CNBD1: variants seen among roughly 807,000 people sequenced by gnomAD.
CNBD1 encodes cyclic nucleotide-binding domain-containing protein 1.
CNBD1 carries 71 observed loss-of-function variants against 54.4 expected under a neutral mutation model. The ratio of observed to expected loss-of-function variants is 1.30; its 90% CI spans 1.08 to 1.59. CNBD1 has a LOEUF of 1.59. CNBD1 is among the 40% of genes most tolerant of loss of function. The pLI is 0.00. For synonymous variants in CNBD1, 182 were observed against 170.7 expected (o/e 1.07, Z -0.51); for missense variants, 659 against 518.0 (o/e 1.27, Z -2.64).
At chr8:86,936,858 AG>A (rs1289245797) in intron 3 of CNBD1, among the ~76,000 whole-genome samples, 4 of 152,184 alleles carry the variant, frequency 2.6e-5, no homozygotes, top group Non-Finnish European at 5.9e-5. Flanking sequence ...AAAAATTCAA[AG>A]GTACAGGTAA....
intron 10 of CNBD1, among the ~76,000 whole-genome samples, chr8:87,365,728 A>G (rs1810629274): frequency 6.6e-6 from 1 of 152,042 alleles, no homozygotes; most frequent in Admixed American, 6.6e-5. Flanking sequence ...CCTGTTGTAG[A>G]AAGATTTTAA....
chr8:87,090,364 T>C (rs757400382), intron 4 of CNBD1, among the ~76,000 whole-genome samples: 18 of 152,178 alleles, frequency 1.2e-4, no homozygotes, highest in Non-Finnish European at 2.1e-4. Context: ...TAATGATAGA[T>C]GACTTAATAG....
intron 2 of CNBD1, among the ~76,000 whole-genome samples, chr8:87,400,102 A>T (rs1315631236): frequency 6.6e-6 from 1 of 151,872 alleles, no homozygotes; most frequent in Admixed American, 6.6e-5. Context: ...ATCCTTCTTG[A>T]GCCTCACCTT....
chr8:87,246,706 C>G (rs1336039515), intron 6 of CNBD1, among the ~76,000 whole-genome samples: 1 of 152,058 alleles, frequency 6.6e-6, no homozygotes, highest in African/African-American at 2.4e-5. Context: ...ATTGTTAGCA[C>G]TCTTCCAGGC....
At chr8:87,265,521 A>C (rs553823762) in intron 6 of CNBD1, among the ~76,000 whole-genome samples, 108 of 152,274 alleles carry the variant, frequency 7.1e-4, no homozygotes, top group Middle Eastern at 3.4e-3. Context: ...TATTTTTCAC[A>C]TAAGATAATG....
At chr8:87,380,975 T>G (rs1811061160) in intron 10 of CNBD1, among the ~76,000 whole-genome samples, 1 of 152,012 alleles carries the variant, frequency 6.6e-6, no homozygotes, top group African/African-American at 2.4e-5. Context: ...ATTTTCACAT[T>G]TGTCTTGGCA....
chr8:87,042,122 G>T (rs1035603349), intron 4 of CNBD1, among the ~76,000 whole-genome samples: 1 of 152,210 alleles, frequency 6.6e-6, no homozygotes, highest in African/African-American at 2.4e-5. Context: ...TTTTCGGCCT[G>T]TGCTCTTTGG....
At chr8:87,391,280 G>A (rs1037826201) in intron 2 of CNBD1, among the ~76,000 whole-genome samples, 1 of 151,866 alleles carries the variant, frequency 6.6e-6, no homozygotes, top group African/African-American at 2.4e-5. Context: ...GATAACGATT[G>A]CAGATACCTC....
chr8:87,178,779 G>A (rs975968110), intron 4 of CNBD1, among the ~76,000 whole-genome samples: 2 of 152,190 alleles, frequency 1.3e-5, no homozygotes, highest in Non-Finnish European at 2.9e-5. Flanking sequence ...AATATGTCCA[G>A]AATACACAGG....
intron 4 of CNBD1, among the ~76,000 whole-genome samples, chr8:87,046,548 T>C (rs1810194742): frequency 6.6e-6 from 1 of 152,170 alleles, no homozygotes; most frequent in Admixed American, 6.5e-5. Context: ...GAATTAGGTG[T>C]AACCAGGAAC....
intron 4 of CNBD1, among the ~76,000 whole-genome samples, chr8:86,962,410 A>G (rs556996038): frequency 1.3e-5 from 2 of 152,204 alleles, no homozygotes; most frequent in African/African-American, 2.4e-5. Context: ...GACTTTAGCC[A>G]TGCCAAATGG....
At chr8:86,981,374 TTA>T (rs1199752412) in intron 4 of CNBD1, among the ~76,000 whole-genome samples, 2 of 152,232 alleles carry the variant, frequency 1.3e-5, no homozygotes, top group African/African-American at 4.8e-5. Context: ...TCTAGAGTTT[TTA>T]GTTTCCTTTT....
chr8:86,997,385 T>A (rs1277267431), intron 4 of CNBD1, among the ~76,000 whole-genome samples: 1 of 152,188 alleles, frequency 6.6e-6, no homozygotes, highest in African/African-American at 2.4e-5. Context: ...TAGGAGGAAG[T>A]TGTCTTCTAT....
rs1383990146 is a variant in CNBD1 at position 87,426,024 on chromosome 8, A to G, written c.214-2522A>G. On this transcript the variant is annotated intron_variant, in intron 2 of 7. Coordinates refer to the CNBD1 transcript ENST00000521593. ...GGTGCAGGATATAATCTCGTGGTGC[A>G]CCGTTTTTTAAGCCCGTCGGAAAAT... Among the ~76,000 whole-genome samples the G allele has an allele frequency of 3.3e-5, 5 of 152,292 alleles. No homozygotes were observed. The South Asian group carries it at 8.3e-4, about 25-fold the overall frequency.
chr8:86,997,726 A>C (rs1257180018), intron 4 of CNBD1, among the ~76,000 whole-genome samples: 2 of 152,102 alleles, frequency 1.3e-5, no homozygotes, highest in Non-Finnish European at 2.9e-5. Context: ...GTTCCTAAGG[A>C]GTTACCACTG....
At chr8:87,192,770 G>T (rs1018459616) in intron 4 of CNBD1, among the ~76,000 whole-genome samples, 3 of 152,120 alleles carry the variant, frequency 2.0e-5, no homozygotes, top group African/African-American at 7.2e-5. Flanking sequence ...GAAGTCTAGT[G>T]TGGCAACTGA....
Position 87,160,246 on chromosome 8 carries a change from CTA to C in CNBD1, c.432-45743_432-45742del, listed in dbSNP as rs1055639027. On this transcript the variant is annotated intron_variant, in intron 4 of 10. Transcript: ENST00000518476. ...TGTATTTTAATTTTATTTTTAAAAA[CTA>C]TATTTTTCTGAAATATGTTATAAAA... Among the ~76,000 whole-genome samples the C allele has an allele frequency of 5.3e-5, 8 of 151,924 alleles. No individual in the cohort carries two copies. The East Asian group carries it at 1.4e-3, about 26-fold the overall frequency.
intron 2 of CNBD1, among the ~76,000 whole-genome samples, chr8:87,427,421 G>A (rs911260484): frequency 6.6e-6 from 1 of 151,996 alleles, no homozygotes; most frequent in African/African-American, 2.4e-5. Context: ...TGGGCTAATA[G>A]GTTTACCGAT....
intron 8 of CNBD1, among the ~76,000 whole-genome samples, chr8:87,323,949 T>C (rs1027761842): frequency 2.2e-5 from 3 of 138,800 alleles, no homozygotes; most frequent in Non-Finnish European, 3.2e-5. Context: ...TTGCCATAGA[T>C]AGCTCTTATT....
Sources: allele counts gnomAD v4.1 joint callset (sites outside exome capture counted in the v4.1 genomes callset), GRCh38; gene constraint gnomAD v4.1.1; transcripts MANE v1.5; gene names NCBI Gene and HGNC (gene_info 2026-07-23, HGNC 2026-07-21).